Variants in ARHGAP44 observed in about 807,000 individuals in gnomAD.
ARHGAP44 encodes the protein rho GTPase-activating protein 44.
In ARHGAP44, 43 loss-of-function variants were observed where a neutral mutation model predicts 106.8. The ratio of observed to expected loss-of-function variants is 0.40; its 90% CI spans 0.32 to 0.52. The LOEUF is 0.52. Ranked by LOEUF, ARHGAP44 falls within the 20% of genes least tolerant of loss-of-function variation. The pLI, the probability that ARHGAP44 is intolerant of heterozygous loss-of-function variation, is 0.48. For missense variants in ARHGAP44, 866 were observed against 1,050.5 expected (o/e 0.82, Z 2.43); for synonymous variants, 439 against 410.3 (o/e 1.07, Z -0.85).
At chr17:12,885,950 C>T (rs906538829) in intron 1 of ARHGAP44, among the ~76,000 whole-genome samples, 2 of 151,856 alleles carry the variant, frequency 1.3e-5, no homozygotes, top group South Asian at 2.1e-4. Context: ...CAGATATTTT[C>T]TTCTATGTTT....
At position 12,949,450 on chromosome 17, in the gene ARHGAP44, G is replaced by A. The variant is rs1377767178; in HGVS notation, c.973+199G>A. On this transcript the variant is annotated intron_variant, in intron 11 of 20. Coordinates refer to ENST00000379672, the MANE Select transcript of ARHGAP44 (RefSeq NM_014859.6). This position sits in a 1 kb window ranked among gnomAD's most constrained non-coding sequence, Gnocchi z 4.1. ...GCCTCCCCGCATGCCAAGGGAAGAC[G>A]AGGTAATTGTGGGAAGAAAGAGGGG... 2.0e-5 allele frequency among the ~76,000 whole-genome samples: 3 copies of A among 152,184 alleles called. No individual in the cohort carries two copies. Among genetic ancestry groups the A allele is most frequent in the East Asian group, 3.9e-4 (2 of 5,186 alleles).
intron 1 of ARHGAP44, among the ~76,000 whole-genome samples, chr17:12,865,655 G>C (rs1261776563): frequency 2.6e-5 from 4 of 152,074 alleles, no homozygotes; most frequent in Non-Finnish European, 5.9e-5. Flanking sequence ...TGGGCGTGGT[G>C]GCGGGCACCT....
At chr17:12,793,534 C>T (rs1181354829) in intron 1 of ARHGAP44, among the ~76,000 whole-genome samples, 1 of 152,132 alleles carries the variant, frequency 6.6e-6, no homozygotes, top group Non-Finnish European at 1.5e-5. Context: ...ATGGCGAAAC[C>T]CCGTCTCTAC....
chr17:12,972,809 C>T (rs1263515801), intron 16 of ARHGAP44, among the ~76,000 whole-genome samples: 2 of 151,456 alleles, frequency 1.3e-5, no homozygotes, highest in Admixed American at 6.6e-5. Context: ...CTACAGGTGC[C>T]TGCCACCACT....
chr17:12,944,721 C>A (rs1171861682), intron 10 of ARHGAP44, among the ~76,000 whole-genome samples: 1 of 150,908 alleles, frequency 6.6e-6, no homozygotes, highest in East Asian at 2.0e-4. Flanking sequence ...GATCCCTTGA[C>A]CTTGTGATCC....
At chr17:12,861,136 G>A (rs1170405712) in intron 1 of ARHGAP44, among the ~76,000 whole-genome samples, 2 of 152,064 alleles carry the variant, frequency 1.3e-5, no homozygotes, top group African/African-American at 2.4e-5. Flanking sequence ...GGTTACAGGC[G>A]TGAGCCACTG....
In ARHGAP44 at chr17:12,921,256, A is replaced by G. The variant is rs556894593; in HGVS notation, c.464+1425A>G. 1.9e-3 allele frequency among the ~76,000 whole-genome samples: 287 copies of G among 152,150 alleles called. 1 individual carries two copies. The highest frequency in any genetic ancestry group is 6.6e-3 in the African/African-American group (272 of 41,524). ...TAATTTTTGTATTTTTAGTATACAC[A>G]GGGTTCCGCCACGTTGGCCAGGCTG... On this transcript the variant is annotated intron_variant, in intron 6 of 20. Coordinates refer to ENST00000379672, the MANE Select transcript of ARHGAP44 (RefSeq NM_014859.6).
intron 1 of ARHGAP44, among the ~76,000 whole-genome samples, chr17:12,869,812 A>G (rs1335113219): frequency 6.6e-6 from 1 of 151,834 alleles, no homozygotes; most frequent in Non-Finnish European, 1.5e-5. Flanking sequence ...TTTACTATGC[A>G]TACTGTTTTA....
intron 8 of ARHGAP44, among the ~76,000 whole-genome samples, chr17:12,942,196 G>GA (rs1193191822): frequency 2.0e-5 from 3 of 152,134 alleles, no homozygotes; most frequent in African/African-American, 7.2e-5. Context: ...GCCCAGGCTG[G>GA]AGTGCAGTGG....
At chr17:12,850,399 A>G (rs1229977513) in intron 1 of ARHGAP44, among the ~76,000 whole-genome samples, 2 of 148,436 alleles carry the variant, frequency 1.3e-5, no homozygotes, top group Non-Finnish European at 2.9e-5. Context: ...AGAAATTGCG[A>G]TTGCCTTACT....
chr17:12,850,471 G>T (rs79117037), intron 1 of ARHGAP44, among the ~76,000 whole-genome samples: 2 of 152,028 alleles, frequency 1.3e-5, no homozygotes, highest in Non-Finnish European at 2.9e-5. Context: ...AGACTGGGTA[G>T]TCCCTGAGCC....
intron 1 of ARHGAP44, among the ~76,000 whole-genome samples, chr17:12,796,142 A>G (rs1395880252): frequency 1.3e-5 from 2 of 151,434 alleles, no homozygotes; most frequent in Non-Finnish European, 3.0e-5. Context: ...AAGTATATCT[A>G]TCTATCTATC....
At chr17:12,903,712 C>G (rs2037464560) in intron 3 of ARHGAP44, among the ~76,000 whole-genome samples, 2 of 152,140 alleles carry the variant, frequency 1.3e-5, no homozygotes, top group Non-Finnish European at 2.9e-5. Flanking sequence ...GTAGTGTACA[C>G]TGTACCCAAT....
At chr17:12,973,570 G>A in intron 17 of ARHGAP44, 2 of 551,652 alleles carry the variant, frequency 3.6e-6, no homozygotes, top group Non-Finnish European at 3.2e-6. Context: ...GGTCCCAGCA[G>A]TGGTGGAGCT....
intron 1 of ARHGAP44, among the ~76,000 whole-genome samples, chr17:12,892,012 A>G (rs1011244542): frequency 6.6e-6 from 1 of 152,004 alleles, no homozygotes; most frequent in African/African-American, 2.4e-5. Context: ...CTGGTCTCGA[A>G]CTTCTGACTG....
intron 18 of ARHGAP44, among the ~76,000 whole-genome samples, chr17:12,975,072 A>G (rs1482885112): frequency 6.6e-6 from 1 of 151,160 alleles, no homozygotes; most frequent in African/African-American, 2.4e-5. Flanking sequence ...CTGGTCTCAA[A>G]CTCCTGACTT....
At chr17:12,939,688 G>C (rs1458192775) in intron 7 of ARHGAP44, among the ~76,000 whole-genome samples, 1 of 152,102 alleles carries the variant, frequency 6.6e-6, no homozygotes, top group African/African-American at 2.4e-5. Context: ...GGATGGTCTC[G>C]ATCTCCTGAC....
chr17:12,862,743 C>G (rs1785567769), intron 1 of ARHGAP44, among the ~76,000 whole-genome samples: 1 of 152,088 alleles, frequency 6.6e-6, no homozygotes, highest in African/African-American at 2.4e-5. Context: ...GCCTATAATC[C>G]CAGTACTTTG....
intron 17 of ARHGAP44, chr17:12,973,623 A>G (rs1217631943): frequency 3.9e-6 from 2 of 517,102 alleles, no homozygotes; most frequent in Non-Finnish European, 6.8e-6. Flanking sequence ...TCATATTTAG[A>G]TGTCTCCTGC....
Sources: allele counts gnomAD v4.1 joint callset (sites outside exome capture counted in the v4.1 genomes callset), GRCh38; gene constraint gnomAD v4.1.1; non-coding constraint Gnocchi (gnomAD v3.1); transcripts MANE v1.5; gene names NCBI Gene and HGNC (gene_info 2026-07-23, HGNC 2026-07-21).